The following MYT1L variants were observed in gnomAD, a reference collection of about 807,000 sequenced individuals.
The protein encoded by MYT1L is myelin transcription factor 1 like.
Under a neutral mutation model 126.7 loss-of-function variants are expected in MYT1L, and 12 were observed. The observed-to-expected ratio is 0.09, with a 90% CI of 0.06 to 0.15. The LOEUF is 0.15. MYT1L is among the 10% of genes least tolerant of loss of function. The pLI is 1.00. For synonymous variants in MYT1L, 541 were observed against 604.2 expected (o/e 0.90, Z 1.53); for missense variants, 979 against 1,585.2 (o/e 0.62, Z 6.49).
chr2:1,891,951 C>T (rs2148874365), intron 15 of MYT1L, 86 bp downstream of exon 15: 2 of 1,437,644 alleles, frequency 1.4e-6, no homozygotes, highest in South Asian at 1.5e-5. Flanking sequence ...ACAGCTGCCC[C>T]GAAAGCGCCG....
At chr2:2,069,164 C>T (rs1294251650) in intron 3 of MYT1L, among the ~76,000 whole-genome samples, 20 of 152,002 alleles carry the variant, frequency 1.3e-4, no homozygotes, top group African/African-American at 4.8e-4. Context: ...TGGTGGTTTG[C>T]TACACCCGTC....
chr2:1,946,695 T>A (rs1033562467), intron 8 of MYT1L, among the ~76,000 whole-genome samples: 9 of 152,170 alleles, frequency 5.9e-5, no homozygotes, highest in Admixed American at 2.0e-4. Context: ...AAAAAATTCA[T>A]CTATAGTCTA....
chr2:2,287,068 C>A (rs1371349198), intron 1 of MYT1L, among the ~76,000 whole-genome samples: 1 of 152,042 alleles, frequency 6.6e-6, no homozygotes, highest in Non-Finnish European at 1.5e-5. Flanking sequence ...ACCAGTCTGA[C>A]CAACATGGAG....
At chr2:2,141,790 G>C (rs995098426) in intron 3 of MYT1L, among the ~76,000 whole-genome samples, 1 of 152,184 alleles carries the variant, frequency 6.6e-6, no homozygotes, top group Non-Finnish European at 1.5e-5. Flanking sequence ...CGAAGAACAA[G>C]ACTCAGCCAA....
At chr2:2,122,836 A>AATGT (rs1553492693) in intron 3 of MYT1L, among the ~76,000 whole-genome samples, 2 of 116,150 alleles carry the variant, frequency 1.7e-5, no homozygotes, top group African/African-American at 3.8e-5. Context: ...GGAGGATAGG[A>AATGT]ATGTGTGTGT....
rs2034777202 is a variant in MYT1L at position 1,801,124 on chromosome 2, G to A, written c.3276+572C>T. ...TGCCTCTCCATCTTAGAAGCTGTAT[G>A]TTTAAGATGAGGCTGAGGACGTTTA... is the stretch of plus-strand genomic sequence containing the variant. On this transcript the variant is annotated intron_variant, in intron 23 of 24. Coordinates refer to ENST00000647738, the MANE Select transcript of MYT1L (RefSeq NM_001303052.2). The surrounding 1 kb of genome is among the most constrained non-coding windows in gnomAD (Gnocchi z 4.2). 1 of 152,688 alleles carries A rather than the reference G, an allele frequency of 6.5e-6. No individual in the cohort carries two copies. Among genetic ancestry groups the A allele is most frequent in the South Asian group, 2.1e-4 (1 of 4,836 alleles). 9.5% of individuals were successfully genotyped at this position (152,688 alleles called of 1,614,324 possible).
chr2:2,243,946 C>A (rs2094484588), intron 2 of MYT1L, among the ~76,000 whole-genome samples: 1 of 152,172 alleles, frequency 6.6e-6, no homozygotes, highest in Non-Finnish European at 1.5e-5. Flanking sequence ...AGACCACATG[C>A]AGGATTGGCA....
At chr2:1,846,722 G>A (rs151192904) in intron 19 of MYT1L, among the ~76,000 whole-genome samples, 120 of 152,304 alleles carry the variant, frequency 7.9e-4, no homozygotes, top group African/African-American at 1.9e-3. Context: ...ACCCTCTGGC[G>A]AAACAGCTCT....
At chr2:2,313,962 G>T (rs2096019581) in intron 1 of MYT1L, among the ~76,000 whole-genome samples, 1 of 152,034 alleles carries the variant, frequency 6.6e-6, no homozygotes, top group South Asian at 2.1e-4. Context: ...AAAGAAAAAA[G>T]TTCTTATTTG....
chr2:2,063,423 G>A (rs919061648), intron 3 of MYT1L, among the ~76,000 whole-genome samples: 3 of 152,136 alleles, frequency 2.0e-5, no homozygotes, highest in African/African-American at 7.2e-5. Flanking sequence ...CACATGGGCG[G>A]GGCCTTCTGA....
chr2:1,959,561 C>T (rs1374387039), intron 8 of MYT1L, among the ~76,000 whole-genome samples: 2 of 152,176 alleles, frequency 1.3e-5, no homozygotes, highest in Non-Finnish European at 1.5e-5. Context: ...GCCTGGAATC[C>T]CACACACCTC....
rs111390819 is a variant in MYT1L, at chr2:2,308,784, G to A, written c.-521+22183C>T. Among the ~76,000 whole-genome samples, 809 of 150,682 alleles carry A rather than the reference G, an allele frequency of 5.4e-3. 9 individuals carry two copies. The highest frequency in any genetic ancestry group is 0.019 in the African/African-American group (765 of 41,010). On this transcript the variant is annotated intron_variant, in intron 1 of 24. Transcript: ENST00000647738. Reference sequence around the variant, plus strand: ...ACTCTACCCATACCTTCAGTACATTGTATCCCTATTTCACCTACACTTTAC... The same window carrying A: ...ACTCTACCCATACCTTCAGTACATTATATCCCTATTTCACCTACACTTTAC...
At chr2:2,328,065 C>T (rs1304994062) in intron 1 of MYT1L, among the ~76,000 whole-genome samples, 1 of 152,018 alleles carries the variant, frequency 6.6e-6, no homozygotes, top group Non-Finnish European at 1.5e-5. Context: ...AAGTAATTGG[C>T]TTTTAAAAAT....
At chr2:2,033,147 C>T (rs2066562699) in intron 4 of MYT1L, among the ~76,000 whole-genome samples, 2 of 140,062 alleles carry the variant, frequency 1.4e-5, no homozygotes, top group African/African-American at 5.4e-5. Context: ...CCGTGCCTCT[C>T]ACCCTGTGGC....
At chr2:2,037,275 T>C (rs964094839) in intron 4 of MYT1L, among the ~76,000 whole-genome samples, 93 of 152,328 alleles carry the variant, frequency 6.1e-4, no homozygotes, top group African/African-American at 2.2e-3. Context: ...CTACGGTAAC[T>C]GGGAAAGTGC....
chr2:1,911,244 C>A (rs1408061726), intron 12 of MYT1L, among the ~76,000 whole-genome samples: 1 of 152,090 alleles, frequency 6.6e-6, no homozygotes, highest in African/African-American at 2.4e-5. Flanking sequence ...ACACAAAGGA[C>A]CAGGTTTGCC....
At chr2:2,053,187 C>A (rs1427887743) in intron 4 of MYT1L, among the ~76,000 whole-genome samples, 1 of 152,186 alleles carries the variant, frequency 6.6e-6, no homozygotes, top group African/African-American at 2.4e-5. Context: ...CAATGCCACT[C>A]ACATGAGGTA....
At chr2:2,110,935 T>G (rs906165264) in intron 3 of MYT1L, among the ~76,000 whole-genome samples, 5 of 152,256 alleles carry the variant, frequency 3.3e-5, no homozygotes, top group Admixed American at 6.5e-5. Context: ...AGCTGGTCCT[T>G]CAAACTTGTC....
chr2:2,002,158 C>T (rs531406809), intron 4 of MYT1L, among the ~76,000 whole-genome samples: 1 of 152,278 alleles, frequency 6.6e-6, no homozygotes, highest in East Asian at 1.9e-4. Flanking sequence ...ACTGGTATCA[C>T]AACTCACAAA....
Sources: gnomAD v4.1 joint callset for allele counts (sites outside exome capture counted in the v4.1 genomes callset) on GRCh38, gnomAD v4.1.1 for gene constraint, Gnocchi (gnomAD v3.1) non-coding constraint, MANE v1.5 for transcripts, NCBI Gene and HGNC (gene_info 2026-07-23, HGNC 2026-07-21) for gene names.